Variants in CDK14 observed in about 807,000 individuals in gnomAD.
CDK14 encodes the protein cyclin-dependent kinase 14.
Under a neutral mutation model 60.7 loss-of-function variants are expected in CDK14, and 34 were observed. The ratio of observed to expected loss-of-function variants is 0.56; its 90% CI spans 0.43 to 0.75. The LOEUF (loss-of-function observed/expected upper bound fraction) is 0.75, where lower values mean the gene tolerates loss of function less well. Ranked by LOEUF, CDK14 falls within the 30% of genes least tolerant of loss-of-function variation. CDK14 has a pLI of 0.00. For missense variants in CDK14, 482 were observed against 564.1 expected, an observed-to-expected ratio of 0.85 and a Z score of 1.47; for synonymous variants, 197 against 203.7, an observed-to-expected ratio of 0.97 and a Z score of 0.28.
At position 91,069,319 on chromosome 7, in the gene CDK14, G is replaced by A. The variant is rs145419125; in HGVS notation, c.1106-10113G>A. On this transcript the variant is annotated intron_variant, in intron 11 of 14. Coordinates refer to ENST00000380050, the MANE Select transcript of CDK14 (RefSeq NM_001287135.2). ...CTCAGGAGGCTGAGGCGGGAGGATC[G>A]CTTGAGGCCAGGAGTTTGTGACCAG... Among the ~76,000 whole-genome samples, 1,215 of 152,160 alleles carry A rather than the reference G, an allele frequency of 8.0e-3. 15 individuals are homozygous for A. Among genetic ancestry groups the A allele is most frequent in the African/African-American group, 0.028 (1,156 of 41,502 alleles).
At position 90,726,676 on chromosome 7, in the gene CDK14, G is replaced by A; in HGVS notation, c.233G>A (p.Ser78Asn). Residue 78 changes from serine to asparagine, a missense_variant, in exon 3 of 15, where the codon AGC becomes AAC. Physicochemically the swap from Ser to Asn is conservative, Grantham distance 46 (BLOSUM62 1). Transcript: ENST00000380050. ...DKKVRVQRTQ[S>N]TFDPFEKPAN... is the part of the protein sequence containing the mutation. ...AAAGTCAGAGTTCAGAGGACACAGA[G>A]CACTTTTGACCCATTTGAGAAACCA... is the stretch of plus-strand genomic sequence containing the variant. 4 of 1,613,894 alleles carry A rather than the reference G, an allele frequency of 2.5e-6. No individual in the cohort carries two copies. The African/African-American group carries it at 4.0e-5, about 16-fold the overall frequency.
At chr7:91,127,233 G>A (rs43002) in intron 14 of CDK14, among the ~76,000 whole-genome samples, 117,606 of 152,056 alleles carry the variant, frequency 0.77, 45,706 homozygotes, top group East Asian at 0.84. Flanking sequence ...TGAATGAAGC[G>A]ACTTAGCATA....
At chr7:91,003,157 AT>A (rs1435785888) in intron 10 of CDK14, among the ~76,000 whole-genome samples, 5 of 152,028 alleles carry the variant, frequency 3.3e-5, no homozygotes, top group African/African-American at 9.7e-5. Context: ...TTCCTCTCCA[AT>A]TTTTCCTATT....
chr7:91,185,260 C>A (rs943876230), intron 14 of CDK14, among the ~76,000 whole-genome samples: 3 of 136,786 alleles, frequency 2.2e-5, no homozygotes, highest in African/African-American at 7.7e-5. Context: ...CTTTCTCTAT[C>A]CAATTCTACT....
At position 90,963,453 on chromosome 7, in the gene CDK14, A is replaced by T. The variant is rs534001234; in HGVS notation, c.947+7636A>T. ...AAAAAATAGAAGTACATAAACTAGT[A>T]TTCAAATTTTAGAGAACATTGGATG... On this transcript the variant is annotated intron_variant, in intron 9 of 14. Coordinates refer to ENST00000380050, the MANE Select transcript of CDK14 (RefSeq NM_001287135.2). Among the ~76,000 whole-genome samples, 7 of 152,204 alleles carry T rather than the reference A, an allele frequency of 4.6e-5. No individual in the cohort carries two copies. The East Asian group carries it at 1.4e-3, about 29-fold the overall frequency.
chr7:90,717,076 A>G (rs951641350), intron 2 of CDK14, among the ~76,000 whole-genome samples: 1 of 152,014 alleles, frequency 6.6e-6, no homozygotes, highest in African/African-American at 2.4e-5. Context: ...ACAACTAACA[A>G]TAGGGCTGGT....
intron 3 of CDK14, among the ~76,000 whole-genome samples, chr7:90,746,278 A>T (rs1435813769): frequency 6.6e-6 from 1 of 152,228 alleles, no homozygotes; most frequent in Non-Finnish European, 1.5e-5. Context: ...CTTTTAAGTC[A>T]TGATGGGTAT....
At chr7:90,678,363 G>A (rs1332600099) in intron 2 of CDK14, among the ~76,000 whole-genome samples, 1 of 152,122 alleles carries the variant, frequency 6.6e-6, no homozygotes, top group African/African-American at 2.4e-5. Context: ...ACATCAGCTG[G>A]CACATGAGAG....
At chr7:90,885,078 T>C (rs1168805108) in intron 6 of CDK14, among the ~76,000 whole-genome samples, 1 of 152,060 alleles carries the variant, frequency 6.6e-6, no homozygotes, top group African/African-American at 2.4e-5. Context: ...AAGCCAAAAC[T>C]GACAAATGGG....
At chr7:90,931,675 A>G (rs1458168215) in intron 8 of CDK14, among the ~76,000 whole-genome samples, 2 of 152,228 alleles carry the variant, frequency 1.3e-5, no homozygotes, top group African/African-American at 2.4e-5. Flanking sequence ...GAGAAACGCA[A>G]TTGCAGAATT....
chr7:90,872,888 A>C (rs934078018), intron 6 of CDK14, among the ~76,000 whole-genome samples: 6 of 152,220 alleles, frequency 3.9e-5, no homozygotes, highest in Non-Finnish European at 5.9e-5. Context: ...TACAGTATGC[A>C]TCTGATTTTT....
At chr7:91,014,034 T>A (rs3808290) in intron 10 of CDK14, among the ~76,000 whole-genome samples, 14 of 151,858 alleles carry the variant, frequency 9.2e-5, no homozygotes, top group Non-Finnish European at 1.9e-4. Flanking sequence ...TTTTATTAGT[T>A]GTCAAGGTAT....
At chr7:90,898,001 A>G (rs1209968157) in intron 6 of CDK14, among the ~76,000 whole-genome samples, 4 of 151,972 alleles carry the variant, frequency 2.6e-5, no homozygotes, top group African/African-American at 9.7e-5. Context: ...ATCTAAGAGC[A>G]TTTTCTCTGA....
At chr7:91,134,700 CCT>C (rs1800217507) in intron 14 of CDK14, among the ~76,000 whole-genome samples, 1 of 151,948 alleles carries the variant, frequency 6.6e-6, no homozygotes, top group African/African-American at 2.4e-5. Context: ...ATGGTGAAAC[CCT>C]GTTTTTACTA....
intron 14 of CDK14, among the ~76,000 whole-genome samples, chr7:91,132,166 T>C (rs1218924333): frequency 2.6e-5 from 4 of 152,048 alleles, no homozygotes; most frequent in Non-Finnish European, 5.9e-5. Context: ...TGCATGAAGC[T>C]ATATGGGAGA....
chr7:90,688,072 G>T (rs926319491), intron 2 of CDK14, among the ~76,000 whole-genome samples: 4 of 152,126 alleles, frequency 2.6e-5, no homozygotes, highest in Non-Finnish European at 5.9e-5. Context: ...AATAATATTA[G>T]AATGACAAAG....
chr7:91,175,104 A>G (rs1000492167), intron 14 of CDK14, among the ~76,000 whole-genome samples: 1 of 148,270 alleles, frequency 6.7e-6, no homozygotes, highest in Non-Finnish European at 1.5e-5. Flanking sequence ...CTAACAGCGG[A>G]TCTCTCGGCA....
intron 10 of CDK14, among the ~76,000 whole-genome samples, chr7:90,998,895 A>AAAAT (rs57352513): frequency 0.34 from 51,184 of 150,134 alleles, 9,067 homozygotes; most frequent in East Asian, 0.48. Flanking sequence ...TCTCAAAAAT[A>AAAAT]AAATAAATAA....
chr7:90,932,093 G>A (rs1038943907), intron 8 of CDK14, among the ~76,000 whole-genome samples: 4 of 152,132 alleles, frequency 2.6e-5, no homozygotes, highest in African/African-American at 7.2e-5. Flanking sequence ...CCCTCAATTC[G>A]TGGGATGGCT....
Sources: gnomAD v4.1 joint callset for allele counts (sites outside exome capture counted in the v4.1 genomes callset) on GRCh38, gnomAD v4.1.1 for gene constraint, MANE v1.5 for transcripts, NCBI Gene and HGNC (gene_info 2026-07-23, HGNC 2026-07-21) for gene names.